COG4: variants seen among roughly 807,000 people sequenced by gnomAD.
COG4 encodes component of oligomeric golgi complex 4.
In COG4, 65 loss-of-function variants were observed where a neutral mutation model predicts 95.1. The observed-to-expected ratio is 0.68, with a 90% confidence interval of 0.56 to 0.84. The LOEUF is 0.84. COG4 is among the 40% of genes least tolerant of loss of function. COG4 has a pLI of 0.00. For missense variants in COG4, 1,045 were observed against 989.1 expected (o/e 1.06, Z -0.76); for synonymous variants, 421 against 374.8 (o/e 1.12, Z -1.42).
At chr16:70,511,153 G>A (rs1001479563) in intron 5 of COG4, among the ~76,000 whole-genome samples, 4 of 152,168 alleles carry the variant, frequency 2.6e-5, no homozygotes, top group Non-Finnish European at 4.4e-5. Flanking sequence ...GTGAAAAGTG[G>A]TTCTTCTTCT....
Position 70,517,725 on chromosome 16 carries a change from C to T in COG4, c.270G>A (p.Leu90=). The T allele has an allele frequency of 6.2e-7, 1 of 1,610,826 alleles. No individual in the cohort carries two copies. The highest frequency in any genetic ancestry group is 8.5e-7 in the Non-Finnish European group (1 of 1,177,366). The change falls in exon 3 of 19, where the codon CTG becomes CTA. Residue 90 remains leucine (L), a synonymous_variant. Transcript: ENST00000323786. ...TLHRMGPNLQ[L]IEGDAKQLAG... is the part of the protein sequence containing the mutation. Reference sequence around the variant, plus strand: ...CCAGCTGCTTTGCATCTCCCTCAATCAGCTGCAGATTAGGACTGGAGAAAT... The same window carrying T: ...CCAGCTGCTTTGCATCTCCCTCAATTAGCTGCAGATTAGGACTGGAGAAAT...
intron 12 of COG4, among the ~76,000 whole-genome samples, chr16:70,492,678 G>T (rs2049269001): frequency 6.8e-6 from 1 of 147,718 alleles, no homozygotes; most frequent in Non-Finnish European, 1.5e-5. Flanking sequence ...AAAAAAAAAG[G>T]TAGCATGGGC....
chr16:70,485,352 T>A (rs978311497), intron 13 of COG4, among the ~76,000 whole-genome samples: 3 of 150,734 alleles, frequency 2.0e-5, no homozygotes, highest in African/African-American at 7.3e-5. Context: ...TACAGGCGCC[T>A]GCCACCACAC....
intron 17 of COG4, 23 bp from the exon 18 acceptor site, chr16:70,481,510 T>A: frequency 6.2e-7 from 1 of 1,610,408 alleles, no homozygotes; most frequent in Non-Finnish European, 8.5e-7. Flanking sequence ...CCAAGCCCAG[T>A]CACTACTTAG....
At chr16:70,504,299 C>T (rs994213573) in intron 8 of COG4, among the ~76,000 whole-genome samples, 2 of 151,966 alleles carry the variant, frequency 1.3e-5, no homozygotes, top group African/African-American at 4.8e-5. Flanking sequence ...GAACAGTCCC[C>T]ACCTAACAAA....
chr16:70,486,125 G>C (rs4277334), intron 13 of COG4, among the ~76,000 whole-genome samples: 83 of 150,598 alleles, frequency 5.5e-4, no homozygotes, highest in African/African-American at 2.0e-3. Flanking sequence ...TCGATCTCCT[G>C]ACCTTGTGAT....
intron 1 of COG4, among the ~76,000 whole-genome samples, chr16:70,522,436 G>C (rs1490933794): frequency 6.6e-6 from 1 of 152,186 alleles, no homozygotes; most frequent in Non-Finnish European, 1.5e-5. Flanking sequence ...GCGCAACAGA[G>C]AGCGGCCCTG....
intron 13 of COG4, among the ~76,000 whole-genome samples, chr16:70,486,293 C>T (rs531906776): frequency 3.3e-5 from 5 of 152,144 alleles, no homozygotes; most frequent in Non-Finnish European, 5.9e-5. Context: ...CAGGAGCTGC[C>T]GCATTGCTCG....
At chr16:70,513,523 C>T (rs1248770401) in intron 4 of COG4, among the ~76,000 whole-genome samples, 2 of 152,140 alleles carry the variant, frequency 1.3e-5, no homozygotes, top group Middle Eastern at 3.2e-3. Context: ...TACATACATA[C>T]CTACGATAAA....
intron 12 of COG4, among the ~76,000 whole-genome samples, chr16:70,494,211 T>G (rs2049297216): frequency 6.6e-6 from 1 of 152,170 alleles, no homozygotes; most frequent in African/African-American, 2.4e-5. Flanking sequence ...AGGCCATAAG[T>G]GTTTCCAAGG....
intron 8 of COG4, among the ~76,000 whole-genome samples, chr16:70,506,719 G>A (rs2049586027): frequency 1.3e-5 from 2 of 148,858 alleles, no homozygotes; most frequent in Non-Finnish European, 3.0e-5. Context: ...CCACGAGTTG[G>A]TGGTTACAGT....
Position 70,509,379 on chromosome 16 carries a change from C to A in COG4, c.854G>T (p.Arg285Leu). The A allele has an allele frequency of 2.5e-6, 4 of 1,614,150 alleles. No individual in the cohort carries two copies. The highest frequency in any genetic ancestry group is 3.4e-6 in the Non-Finnish European group (4 of 1,180,008). Residue 285 changes from arginine (R) to leucine (L), a missense_variant, in exon 7 of 19, where the codon CGC becomes CTC. By Grantham distance (102) the Arg-to-Leu change is moderately radical. Coordinates refer to ENST00000323786, the MANE Select transcript of COG4 (RefSeq NM_015386.3). ...TLTLLFEGIA[R>L]IVETHQPIVE... Reference sequence around the variant, plus strand: ...TATTGGCTGGTGGGTCTCCACAATGCGGGCAATCCCTAGAAGGGAGGAAGC... The same window carrying A: ...TATTGGCTGGTGGGTCTCCACAATGAGGGCAATCCCTAGAAGGGAGGAAGC...
At chr16:70,490,674 CTTTTTTTGTTTG>C (rs971732028) in intron 12 of COG4, among the ~76,000 whole-genome samples, 3 of 152,082 alleles carry the variant, frequency 2.0e-5, no homozygotes, top group African/African-American at 7.2e-5. Flanking sequence ...TTCAGGTCTT[CTTTTTTTGTTTG>C]TTTTTTTGTT....
chr16:70,513,544 T>C (rs1257345880), intron 4 of COG4, among the ~76,000 whole-genome samples: 1 of 152,206 alleles, frequency 6.6e-6, no homozygotes, highest in Non-Finnish European at 1.5e-5. Flanking sequence ...GTTTAATTTG[T>C]AAATTAGACA....
chr16:70,486,185 G>A (rs549625651), intron 13 of COG4, among the ~76,000 whole-genome samples: 43 of 152,234 alleles, frequency 2.8e-4, no homozygotes, highest in South Asian at 1.2e-3. Flanking sequence ...GTGAGCCACC[G>A]CGCCCAGCCC....
intron 7 of COG4, chr16:70,508,986 G>C: frequency 1.7e-6 from 1 of 581,646 alleles, no homozygotes; most frequent in Admixed American, 2.8e-5. Context: ...TACTTCTGCT[G>C]TGTTCTTTTC....
Position 70,482,806 on chromosome 16 carries a change from G to C in COG4, c.1843C>G (p.Leu615Val), listed in dbSNP as rs1238859720. 5 of 1,613,518 alleles carry C rather than the reference G, an allele frequency of 3.1e-6. No individual in the cohort carries two copies. Among genetic ancestry groups the C allele is most frequent in the Non-Finnish European group, 4.2e-6 (5 of 1,179,758 alleles). The change falls in exon 15 of 19, where the codon CTC becomes GTC. Residue 615 changes from leucine to valine, a missense_variant. Leu to Val is a conservative substitution (Grantham distance 32). Coordinates refer to ENST00000323786, the MANE Select transcript of COG4 (RefSeq NM_015386.3). The stretch of plus-strand genomic sequence containing the variant: ...TGTGGCTTGATGGCTGTGCTGTTGA[G>C]CTCCGTCAGCCCTTCCTGCACAAGG... ...RDLLQEGLTELNSTAIKPQVQ... is the reference protein window; with the variant it reads ...RDLLQEGLTEVNSTAIKPQVQ...
chr16:70,500,060 C>G (rs1420845919), intron 9 of COG4, among the ~76,000 whole-genome samples: 1 of 151,784 alleles, frequency 6.6e-6, no homozygotes, highest in Non-Finnish European at 1.5e-5. Context: ...GTCTCAAACT[C>G]CTGGGCTCAA....
At position 70,514,499 on chromosome 16, in the gene COG4, T is replaced by A. The variant is rs747394673; in HGVS notation, c.380A>T (p.Tyr127Phe). 6.2e-7 allele frequency: 1 copy of A among 1,614,028 alleles called. No individual in the cohort carries two copies. Among genetic ancestry groups the A allele is most frequent in the Non-Finnish European group, 8.5e-7 (1 of 1,179,990 alleles). ...GTCATCAGCTCTCTGAATGGCCTGA[T>A]AGAGGCGGTTCTGCAAAAAGATTTG... is the stretch of plus-strand genomic sequence containing the variant. Reference protein sequence around the residue: ...RQLDLAKNRLYQAIQRADDIL... With the variant: ...RQLDLAKNRLFQAIQRADDIL... The change falls in exon 4 of 19, where the codon TAT becomes TTT. Residue 127 changes from tyrosine (Y) to phenylalanine (F), a missense_variant. Coordinates refer to ENST00000323786, the MANE Select transcript of COG4 (RefSeq NM_015386.3).
Sources: gnomAD v4.1 joint callset for allele counts (sites outside exome capture counted in the v4.1 genomes callset) on GRCh38, gnomAD v4.1.1 for gene constraint, MANE v1.5 for transcripts, NCBI Gene and HGNC (gene_info 2026-07-23, HGNC 2026-07-21) for gene names.